TTC6: variants seen among roughly 807,000 people sequenced by gnomAD.
The protein encoded by TTC6 is tetratricopeptide repeat protein 6.
TTC6 carries 172 observed loss-of-function variants against 210.4 expected under a neutral mutation model. The observed-to-expected ratio is 0.82, with a 90% confidence interval of 0.72 to 0.93. The LOEUF (loss-of-function observed/expected upper bound fraction) is 0.93. TTC6 is among the 40% of genes least tolerant of loss of function. The probability of loss-of-function intolerance (pLI) is 0.00; values close to 1 mark genes in which losing one functional copy is unlikely to be tolerated. For missense variants in TTC6, 2,414 were observed against 2,318.1 expected, an observed-to-expected ratio of 1.04 and a Z score of -0.85; for synonymous variants, 804 against 819.6, an observed-to-expected ratio of 0.98 and a Z score of 0.32.
intron 4 of TTC6, among the ~76,000 whole-genome samples, chr14:37,697,325 C>T (rs986730373): frequency 6.6e-6 from 1 of 152,016 alleles, no homozygotes; most frequent in Non-Finnish European, 1.5e-5. Flanking sequence ...TGGAGTTTCT[C>T]GTTACACAGG....
In TTC6 at chr14:37,829,301, T is replaced by C. The variant is rs373721729; in HGVS notation, c.5298+1935T>C. The stretch of plus-strand genomic sequence containing the variant: ...AATACATTTGATCTTAGTTCTGTTA[T>C]TTTATGTAATGCAAGTGTGTTTATG... On this transcript the variant is annotated intron_variant, in intron 29 of 30. Coordinates refer to ENST00000553443, the Ensembl canonical transcript of TTC6. 2.6e-4 allele frequency among the ~76,000 whole-genome samples: 39 copies of C among 152,148 alleles called. 1 individual carries two copies. The East Asian group carries it at 3.7e-3, about 14-fold the overall frequency.
intron 4 of TTC6, among the ~76,000 whole-genome samples, 156 bp from the exon 7 acceptor site, chr14:37,701,176 A>G (rs2095824560): frequency 6.6e-6 from 1 of 152,196 alleles, no homozygotes; most frequent in Non-Finnish European, 1.5e-5. Flanking sequence ...AGATTGTGAT[A>G]TTAAATTTGT....
intron 3 of TTC6, among the ~76,000 whole-genome samples, chr14:37,685,769 T>G (rs973321703): frequency 6.6e-5 from 10 of 152,150 alleles, no homozygotes; most frequent in African/African-American, 2.4e-4. Context: ...TTGTTGCACC[T>G]TTCAGCAGCA....
At chr14:37,732,197 T>G (rs1369498586) in intron 7 of TTC6, among the ~76,000 whole-genome samples, 1 of 109,688 alleles carries the variant, frequency 9.1e-6, no homozygotes, top group Admixed American at 9.0e-5. Flanking sequence ...TTTTTTTTTT[T>G]TTTGAGAGAG....
chr14:37,714,816 T>C lies in TTC6; in HGVS notation c.1713+20T>C, dbSNP rs2095849906. Reference sequence around the variant, plus strand: ...GAGGAAGTAAGAACTTTCTTTAATATTAGTTTTTTTGTACCTCACAGGTCC... The same window carrying C: ...GAGGAAGTAAGAACTTTCTTTAATACTAGTTTTTTTGTACCTCACAGGTCC... On this transcript the variant is annotated intron_variant, in intron 6 of 30. Coordinates refer to ENST00000553443, the Ensembl canonical transcript of TTC6. 1 of 1,528,528 alleles carries C rather than the reference T, an allele frequency of 6.5e-7. No individual in the cohort carries two copies. Among genetic ancestry groups the C allele is most frequent in the Non-Finnish European group, 8.7e-7 (1 of 1,143,940 alleles). The allele number at this position is 1,528,528 out of a possible 1,614,324, so 94.7% of individuals were successfully genotyped here.
chr14:37,672,563 A>T (rs2095760346), intron 1 of TTC6, among the ~76,000 whole-genome samples: 1 of 152,214 alleles, frequency 6.6e-6, no homozygotes, highest in Non-Finnish European at 1.5e-5. Context: ...AACAGTTGGT[A>T]CATAATTCAA....
intron 29 of TTC6, among the ~76,000 whole-genome samples, chr14:37,835,658 A>T (rs1272636443): frequency 6.6e-6 from 1 of 152,352 alleles, no homozygotes. Context: ...AACGGTGAAG[A>T]AAGAAAGACA....
intron 26 of TTC6, among the ~76,000 whole-genome samples, chr14:37,819,898 T>C (rs8013245): frequency 0.11 from 16,020 of 152,220 alleles, 2,542 homozygotes; most frequent in African/African-American, 0.35. Flanking sequence ...CAGAACGTCG[T>C]AAGTAGAATC....
chr14:37,787,732 T>C, intron 15 of TTC6, 95 bp downstream of exon 17: 1 of 961,056 alleles, frequency 1.0e-6, no homozygotes. Context: ...TTCACTAATG[T>C]AATATGTATA....
intron 16 of TTC6, 53 bp downstream of exon 18, chr14:37,790,890 C>G (rs2096077792): frequency 9.0e-6 from 13 of 1,446,030 alleles, no homozygotes; most frequent in African/African-American, 1.4e-5. Context: ...AAATCGAAAA[C>G]CTGAAATGGG....
chr14:37,790,237 G>A (rs568299866), intron 15 of TTC6, among the ~76,000 whole-genome samples: 6 of 152,170 alleles, frequency 3.9e-5, no homozygotes, highest in African/African-American at 1.2e-4. Context: ...TTGTGTGTGA[G>A]CCTGACCTCT....
At chr14:37,799,800 A>G (rs1049238068) in intron 20 of TTC6, among the ~76,000 whole-genome samples, 23 of 152,076 alleles carry the variant, frequency 1.5e-4, no homozygotes, top group African/African-American at 5.3e-4. Flanking sequence ...GAATGAGCTT[A>G]AAAGAAGAAG....
At chr14:37,722,495 A>G (rs966459388) in intron 6 of TTC6, among the ~76,000 whole-genome samples, 7 of 152,270 alleles carry the variant, frequency 4.6e-5, no homozygotes, top group African/African-American at 1.7e-4. Flanking sequence ...CTACAGGCAC[A>G]TGCCATTACA....
At chr14:37,685,945 G>A (rs2095792861) in intron 3 of TTC6, among the ~76,000 whole-genome samples, 1 of 152,158 alleles carries the variant, frequency 6.6e-6, no homozygotes. Flanking sequence ...AAAGAATTGT[G>A]TTTGAACCCT....
At chr14:37,656,382 C>T (rs1038771794) in intron 1 of TTC6, among the ~76,000 whole-genome samples, 2 of 152,150 alleles carry the variant, frequency 1.3e-5, no homozygotes. Context: ...CTACTATGTA[C>T]CAGATATTGT....
chr14:37,787,619 C>G (rs1435970608), exon 15 of TTC6: 2 of 1,504,216 alleles, frequency 1.3e-6, no homozygotes, highest in Admixed American at 4.1e-5. Context: ...TAGAGCGCTA[C>G]AGGATTATAG....
intron 5 of TTC6, among the ~76,000 whole-genome samples, chr14:37,706,998 C>A (rs1272596183): frequency 6.6e-6 from 1 of 151,768 alleles, no homozygotes; most frequent in Non-Finnish European, 1.5e-5. Context: ...ATTTTATATT[C>A]TCTTTTTCCT....
chr14:37,789,634 A>G (rs1034307467), intron 15 of TTC6, among the ~76,000 whole-genome samples: 2 of 144,942 alleles, frequency 1.4e-5, no homozygotes, highest in Admixed American at 1.4e-4. Flanking sequence ...TACTCTATGT[A>G]TATTCTATAA....
At chr14:37,681,959 C>T (rs1419896812) in intron 2 of TTC6, among the ~76,000 whole-genome samples, 1 of 152,094 alleles carries the variant, frequency 6.6e-6, no homozygotes, top group Non-Finnish European at 1.5e-5. Flanking sequence ...GGTCATGTAG[C>T]TGTTTGTGGC....
Sources: allele counts gnomAD v4.1 joint callset (sites outside exome capture counted in the v4.1 genomes callset), GRCh38; gene constraint gnomAD v4.1.1; transcripts MANE v1.5; gene names NCBI Gene and HGNC (gene_info 2026-07-23, HGNC 2026-07-21).